Variants in MED25 observed in about 807,000 individuals in gnomAD.
MED25 encodes mediator complex subunit 25, also known as mediator of RNA polymerase II transcription subunit 25.
In MED25, 62 loss-of-function variants were observed where a neutral mutation model predicts 89.4. The observed-to-expected ratio is 0.69, with a 90% CI of 0.57 to 0.86. The LOEUF is 0.86. Ranked by LOEUF, MED25 falls within the 40% of genes least tolerant of loss-of-function variation. The pLI is 0.00. For synonymous variants in MED25, 449 were observed against 427.9 expected (o/e 1.05, Z -0.61); for missense variants, 905 against 1,005.2 (o/e 0.90, Z 1.35).
chr19:49,830,307 G>A lies in MED25; in HGVS notation c.819+89G>A, dbSNP rs903940500. 3 of 1,389,580 alleles carry A rather than the reference G, an allele frequency of 2.2e-6. No homozygotes were observed. The South Asian group carries it at 3.6e-5, about 17-fold the overall frequency. The allele number at this position is 1,389,580 out of a possible 1,614,324, so 86.1% of individuals were successfully genotyped here. A position where few individuals can be genotyped will look rare whatever the true frequency, so the allele number is the denominator to read the frequency against. ...GAAATCTAGTTGCATGTTGGAGCTT[G>A]TGGGATGATGGGAGTCCCATGGGAC... On this transcript the variant is annotated intron_variant, in intron 7 of 17. Transcript: ENST00000312865. The surrounding 1 kb of genome is among the most constrained non-coding windows in gnomAD (Gnocchi z 4.6).
At chr19:49,821,259 TAG>T (rs1021863121) in intron 3 of MED25, among the ~76,000 whole-genome samples, 7 of 152,116 alleles carry the variant, frequency 4.6e-5, no homozygotes, top group Non-Finnish European at 7.3e-5. Context: ...AGGGACCCAA[TAG>T]AGAGAGCAAA....
In MED25 at chr19:49,829,813, C is replaced by T. The variant is rs768210962; in HGVS notation, c.553C>T (p.Pro185Ser). ...ERGIHFSIVS[P>S]RKLPALRLLF... ...GGGGATCCACTTCTCCATTGTGTCT[C>T]CCCGGAAGCTGCCTGCGCTTCGGCT... The change falls in exon 6 of 18, where the codon CCC becomes TCC. Residue 185 changes from proline (P) to serine (S), a missense_variant. By Grantham distance (74) the Pro-to-Ser change is moderately conservative (BLOSUM62 -1). Around this residue, in one of 3 missense-constraint regions of MED25, gnomAD observed 501 missense variants for 526.9 expected, o/e 0.95. Transcript: ENST00000312865. This position sits in a 1 kb window ranked among gnomAD's most constrained non-coding sequence, Gnocchi z 4.6. 5.6e-6 allele frequency: 9 copies of T among 1,602,460 alleles called. No homozygotes were observed. The highest frequency in any genetic ancestry group is 3.4e-6 in the Non-Finnish European group (4 of 1,174,774).
At chr19:49,827,694 A>C (rs1024322375) in intron 3 of MED25, among the ~76,000 whole-genome samples, 1 of 152,168 alleles carries the variant, frequency 6.6e-6, no homozygotes, top group African/African-American at 2.4e-5. Flanking sequence ...TAGGACCTCA[A>C]CCTGTCTTTT....
At chr19:49,825,700 G>T (rs979978514) in intron 3 of MED25, among the ~76,000 whole-genome samples, 1 of 151,834 alleles carries the variant, frequency 6.6e-6, no homozygotes, top group Admixed American at 6.6e-5. Flanking sequence ...GCGTGGTGCC[G>T]CATGCCTGTA....
intron 3 of MED25, among the ~76,000 whole-genome samples, chr19:49,825,275 G>GTC (rs547971264): frequency 6.6e-5 from 10 of 151,604 alleles, no homozygotes; most frequent in South Asian, 2.1e-4. Flanking sequence ...TTGAGATGGA[G>GTC]TCTCTCTCTC....
Position 49,830,986 on chromosome 19 carries a change from T to C in MED25, c.1101+99T>C. The stretch of plus-strand genomic sequence containing the variant: ...CATTTGCCTTCCAGGGGGATGTGGC[T>C]CTCGTGGTTCTGGGGCTTTGGGGGC... On this transcript the variant is annotated intron_variant, in intron 9 of 17. Transcript: ENST00000312865. The surrounding 1 kb of genome is among the most constrained non-coding windows in gnomAD (Gnocchi z 4.6). The C allele has an allele frequency of 7.5e-7, 1 of 1,342,016 alleles. No individual in the cohort carries two copies. Among genetic ancestry groups the C allele is most frequent in the Non-Finnish European group, 1.1e-6 (1 of 947,886 alleles). The allele number at this position is 1,342,016 out of a possible 1,614,324, so 83.1% of individuals were successfully genotyped here.
chr19:49,835,923 G>T lies in MED25; in HGVS notation c.1943G>T (p.Ser648Ile). The change falls in exon 16 of 18, where the codon AGC (serine) becomes ATC (isoleucine). Residue 648 changes from serine (S) to isoleucine (I), a missense_variant. Ser to Ile is a moderately radical substitution (Grantham distance 142, BLOSUM62 -2). Around this residue, in one of 3 missense-constraint regions of MED25, gnomAD observed 271 missense variants for 258.1 expected, o/e 1.05. Transcript: ENST00000312865. This position sits in a 1 kb window ranked among gnomAD's most constrained non-coding sequence, Gnocchi z 6.2. ...QNPGANPQLRSLLLNPPPPQT... is the reference protein window; with the variant it reads ...QNPGANPQLRILLLNPPPPQT... ...CCTGGGGCCAACCCTCAGCTGCGAA[G>T]CCTCCTCCTCAACCCACCACCGGTG... 2 of 1,612,888 alleles carry T rather than the reference G, an allele frequency of 1.2e-6. No individual in the cohort carries two copies. The highest frequency in any genetic ancestry group is 1.7e-6 in the Non-Finnish European group (2 of 1,179,968).
At chr19:49,821,018 T>C (rs956006374) in intron 3 of MED25, among the ~76,000 whole-genome samples, 1 of 152,276 alleles carries the variant, frequency 6.6e-6, no homozygotes, top group African/African-American at 2.4e-5. Flanking sequence ...AAACATTTAT[T>C]ATCTAACGCA....
rs766278846 is a variant in MED25 at position 49,831,285 on chromosome 19, C to T, written c.1102-48C>T. 1.3e-6 allele frequency: 2 copies of T among 1,591,488 alleles called. No individual in the cohort carries two copies. The highest frequency in any genetic ancestry group is 1.7e-6 in the Non-Finnish European group (2 of 1,171,230). ...GCCCTCACAGGATGGCCCCCGGAGG[C>T]TCCCGGCCTTCCCCATTCTCATGGC... On this transcript the variant is annotated intron_variant, in intron 9 of 17. Transcript: ENST00000312865. This position sits in a 1 kb window ranked among gnomAD's most constrained non-coding sequence, Gnocchi z 5.0.
Position 49,829,859 on chromosome 19 carries a change from C to G in MED25, c.599C>G (p.Pro200Arg). ...ALRLLFEKAA[P>R]PALLEPLQPP... ...CGGCTTCTGTTTGAGAAGGCAGCCC[C>G]CCCGGCCTTGCTGGAGCCGCTGCAG... Residue 200 changes from proline to arginine, a missense_variant, in exon 6 of 18, where the codon CCC (proline) becomes CGC (arginine). Physicochemically the swap from Pro to Arg is moderately radical, Grantham distance 103 (BLOSUM62 -2). This residue lies in a region of MED25 where 501 missense variants were observed against 526.9 expected (regional missense o/e 0.95). Transcript: ENST00000312865. The surrounding 1 kb of genome is among the most constrained non-coding windows in gnomAD (Gnocchi z 4.6). The G allele has an allele frequency of 6.2e-7, 1 of 1,612,782 alleles. No individual in the cohort carries two copies. Among genetic ancestry groups the G allele is most frequent in the Non-Finnish European group, 8.5e-7 (1 of 1,179,732 alleles).
chr19:49,826,495 G>A (rs908131878), intron 3 of MED25, among the ~76,000 whole-genome samples: 2 of 152,102 alleles, frequency 1.3e-5, no homozygotes, highest in African/African-American at 2.4e-5. Flanking sequence ...AAATCAGTGC[G>A]AGAACTCAGG....
In MED25 at chr19:49,818,458, C is replaced by T; in HGVS notation, c.117C>T (p.Tyr39=). The stretch of plus-strand genomic sequence containing the variant: ...ACTTCGAGGGGCTCCGCAAGCACTA[C>T]CTGCTCCCGGCCATCGAGTGAGTGC... ...GPYFEGLRKH[Y]LLPAIEYFNG... is the part of the protein sequence containing the mutation. The change falls in exon 1 of 18, where the codon TAC becomes TAT. Residue 39 remains tyrosine (Y), a synonymous_variant. Transcript: ENST00000312865. 6.2e-7 allele frequency: 1 copy of T among 1,614,198 alleles called. No individual in the cohort carries two copies. Among genetic ancestry groups the T allele is most frequent in the Non-Finnish European group, 8.5e-7 (1 of 1,180,046 alleles).
intron 3 of MED25, among the ~76,000 whole-genome samples, chr19:49,820,493 C>T (rs1446343925): frequency 3.9e-5 from 6 of 152,208 alleles, no homozygotes; most frequent in East Asian, 3.8e-4. Context: ...TCATGACCTT[C>T]GCTGTACTTC....
chr19:49,820,786 G>A (rs1055988892), intron 3 of MED25, among the ~76,000 whole-genome samples: 33 of 152,038 alleles, frequency 2.2e-4, no homozygotes, highest in Non-Finnish European at 3.7e-4. Context: ...GCGCTGGATC[G>A]GATTTTGATA....
At chr19:49,838,211 G>C (rs551984295), downstream of MED25, among the ~76,000 whole-genome samples, 2 of 152,156 alleles carry the variant, frequency 1.3e-5, no homozygotes, top group Admixed American at 1.3e-4. Flanking sequence ...GCCATCGTGC[G>C]GATGAGTTTT....
chr19:49,828,090 G>A (rs1193875469), intron 3 of MED25, among the ~76,000 whole-genome samples: 1 of 152,140 alleles, frequency 6.6e-6, no homozygotes, highest in Non-Finnish European at 1.5e-5. Flanking sequence ...TTAGCCAGGT[G>A]TGGTGGCAGG....
At chr19:49,824,548 G>A (rs571809348) in intron 3 of MED25, among the ~76,000 whole-genome samples, 4 of 147,908 alleles carry the variant, frequency 2.7e-5, no homozygotes, top group South Asian at 2.1e-4. Flanking sequence ...TTGTGCCACC[G>A]CACTCCAGCC....
Position 49,831,089 on chromosome 19 carries a change from A to C in MED25, c.1101+202A>C, listed in dbSNP as rs1014454454. 6.6e-6 allele frequency among the ~76,000 whole-genome samples: 1 copy of C among 152,106 alleles called. No homozygotes were observed. Among genetic ancestry groups the C allele is most frequent in the Non-Finnish European group, 1.5e-5 (1 of 68,002 alleles). On this transcript the variant is annotated intron_variant, in intron 9 of 17. Transcript: ENST00000312865. This position sits in a 1 kb window ranked among gnomAD's most constrained non-coding sequence, Gnocchi z 5.0. Reference sequence around the variant, plus strand: ...GGAGGCTCATGGCTCCAGGAGGGTCAGGGCTGTTCCGAGAAACCCAAGGAA... The same window carrying C: ...GGAGGCTCATGGCTCCAGGAGGGTCCGGGCTGTTCCGAGAAACCCAAGGAA...
chr19:49,821,838 T>A (rs1400320771), intron 3 of MED25, among the ~76,000 whole-genome samples: 232 of 118,426 alleles, frequency 2.0e-3, no homozygotes, highest in Middle Eastern at 0.012. Flanking sequence ...AAAAAAAAAA[T>A]TTTGTAGTGG....
Sources: allele counts gnomAD v4.1 joint callset (sites outside exome capture counted in the v4.1 genomes callset), GRCh38; gene constraint gnomAD v4.1.1; regional missense constraint gnomAD v4.1.1; non-coding constraint Gnocchi (gnomAD v3.1); transcripts MANE v1.5; gene names NCBI Gene and HGNC (gene_info 2026-07-23, HGNC 2026-07-21).